Variants in DLG2 observed in about 807,000 individuals in gnomAD.
DLG2 encodes the protein discs large MAGUK scaffold protein 2, also known as disks large homolog 2.
Under a neutral mutation model 132.5 loss-of-function variants are expected in DLG2, and 45 were observed. That is an observed-to-expected ratio of 0.34 (90% CI 0.27 to 0.44). The LOEUF is 0.44. Ranked by LOEUF, DLG2 falls within the 20% of genes least tolerant of loss-of-function variation. The probability of loss-of-function intolerance (pLI) is 1.00; values close to 1 mark genes in which losing one functional copy is unlikely to be tolerated. For synonymous variants in DLG2, 424 were observed against 419.6 expected (o/e 1.01, Z -0.13); for missense variants, 1,045 against 1,196.9 (o/e 0.87, Z 1.87).
At chr11:83,881,194 TC>T (rs1282534903) in intron 15 of DLG2, among the ~76,000 whole-genome samples, 3 of 152,198 alleles carry the variant, frequency 2.0e-5, no homozygotes, top group Admixed American at 6.5e-5. Flanking sequence ...GATCCCATAC[TC>T]CTGTCATAGC....
intron 15 of DLG2, among the ~76,000 whole-genome samples, chr11:83,883,397 A>C (rs897067736): frequency 6.6e-6 from 1 of 152,198 alleles, no homozygotes; most frequent in African/African-American, 2.4e-5. Flanking sequence ...ATTATACCTT[A>C]ATCCATCATC....
At chr11:85,397,630 T>C (rs2152957262) in intron 3 of DLG2, among the ~76,000 whole-genome samples, 1 of 152,292 alleles carries the variant, frequency 6.6e-6, no homozygotes, top group Admixed American at 6.5e-5. Flanking sequence ...GTTGCAATCC[T>C]AGTCTCTGAT....
intron 10 of DLG2, among the ~76,000 whole-genome samples, chr11:84,091,921 G>A (rs894228385): frequency 7.2e-5 from 11 of 152,140 alleles, no homozygotes; most frequent in African/African-American, 2.4e-4. Context: ...TACTTAGTAC[G>A]TAAAGGATGC....
intron 15 of DLG2, among the ~76,000 whole-genome samples, chr11:83,888,220 T>A (rs944997144): frequency 1.3e-5 from 2 of 151,922 alleles, no homozygotes; most frequent in African/African-American, 4.8e-5. Context: ...CAGCCCAAAA[T>A]CTCCTTAAGC....
chr11:85,159,217 T>C (rs564955235), intron 4 of DLG2, among the ~76,000 whole-genome samples: 8 of 152,282 alleles, frequency 5.3e-5, no homozygotes, highest in African/African-American at 9.6e-5. Context: ...TAGGGGCTTA[T>C]AGAGATCAGG....
chr11:83,609,753 C>A (rs1329823687), intron 19 of DLG2, among the ~76,000 whole-genome samples: 1 of 152,010 alleles, frequency 6.6e-6, no homozygotes, highest in Non-Finnish European at 1.5e-5. Context: ...CAAAAAAAAC[C>A]CTGCTGGAAA....
At chr11:84,675,979 C>G (rs1185511080) in intron 6 of DLG2, among the ~76,000 whole-genome samples, 2 of 151,934 alleles carry the variant, frequency 1.3e-5, no homozygotes, top group African/African-American at 4.8e-5. Context: ...TTTCTCTATC[C>G]AGATAGAGTA....
intron 10 of DLG2, 102 bp downstream of exon 10, chr11:84,098,821 G>C (rs372772394): frequency 2.2e-6 from 3 of 1,370,016 alleles, no homozygotes; most frequent in African/African-American, 2.9e-5. Flanking sequence ...TCTCTTTCAA[G>C]TACAGAACTT....
At chr11:84,174,649 C>CA (rs2095907200) in intron 8 of DLG2, among the ~76,000 whole-genome samples, 1 of 151,922 alleles carries the variant, frequency 6.6e-6, no homozygotes. Context: ...TAGTGGTAAA[C>CA]AAAAAAAGGC....
At chr11:84,230,041 TA>T (rs1395277791) in intron 8 of DLG2, among the ~76,000 whole-genome samples, 1 of 152,204 alleles carries the variant, frequency 6.6e-6, no homozygotes, top group Non-Finnish European at 1.5e-5. Flanking sequence ...AAGAATCACA[TA>T]AATCTCCACA....
intron 22 of DLG2, among the ~76,000 whole-genome samples, chr11:83,478,317 G>A (rs1363160968): frequency 6.6e-6 from 1 of 151,996 alleles, no homozygotes; most frequent in Admixed American, 6.6e-5. Context: ...CTGGCCTTCT[G>A]TAACCTTGGA....
chr11:84,213,062 G>T (rs748354280), intron 8 of DLG2, among the ~76,000 whole-genome samples: 13 of 152,166 alleles, frequency 8.5e-5, no homozygotes, highest in Non-Finnish European at 1.2e-4. Context: ...CTTTCAGGAG[G>T]AGCTGCTTAC....
At chr11:84,479,345 C>T (rs978407331) in intron 7 of DLG2, among the ~76,000 whole-genome samples, 6 of 152,114 alleles carry the variant, frequency 3.9e-5, no homozygotes, top group South Asian at 2.1e-4. Context: ...CAGATGGTGA[C>T]GTGAAGGCTC....
At chr11:84,253,633 A>G (rs2097421288) in intron 7 of DLG2, among the ~76,000 whole-genome samples, 1 of 152,164 alleles carries the variant, frequency 6.6e-6, no homozygotes, top group Non-Finnish European at 1.5e-5. Flanking sequence ...AGGCAATAAT[A>G]ACAATAATTA....
At chr11:83,894,298 AGTAAGT>A (rs1394021260) in intron 15 of DLG2, among the ~76,000 whole-genome samples, 1 of 152,208 alleles carries the variant, frequency 6.6e-6, no homozygotes, top group Non-Finnish European at 1.5e-5. Flanking sequence ...GAGATACATA[AGTAAGT>A]GATAGTGATC....
chr11:85,411,517 C>T (rs2089307858), intron 3 of DLG2, among the ~76,000 whole-genome samples: 1 of 151,808 alleles, frequency 6.6e-6, no homozygotes, highest in African/African-American at 2.4e-5. Context: ...AGGCTTGCAG[C>T]ATAGCAGTTT....
chr11:85,623,580 G>T (rs2081876905), intron 2 of DLG2, among the ~76,000 whole-genome samples: 5 of 152,190 alleles, frequency 3.3e-5, no homozygotes. Context: ...TGGGATTACA[G>T]GCGTGAGCCA....
chr11:83,776,204 G>A (rs138146130), intron 18 of DLG2, among the ~76,000 whole-genome samples: 2 of 152,210 alleles, frequency 1.3e-5, no homozygotes, highest in African/African-American at 4.8e-5. Flanking sequence ...CATGTTTTCA[G>A]GAAAGGATGA....
intron 11 of DLG2, among the ~76,000 whole-genome samples, chr11:84,014,837 T>C (rs1267924674): frequency 1.0e-5 from 1 of 98,558 alleles, no homozygotes; most frequent in Non-Finnish European, 1.7e-5. Context: ...TGATACAGAC[T>C]TTTTTTTTTT....
Sources: allele counts gnomAD v4.1 joint callset (sites outside exome capture counted in the v4.1 genomes callset), GRCh38; gene constraint gnomAD v4.1.1; transcripts MANE v1.5; gene names NCBI Gene and HGNC (gene_info 2026-07-23, HGNC 2026-07-21).